The following TM9SF4 variants were observed in gnomAD, a reference collection of about 807,000 sequenced individuals.
TM9SF4 encodes transmembrane 9 superfamily member 4, also known as dinucleotide oxidase disulfide thiol exchanger 3 superfamily member 4.
TM9SF4 carries 26 observed loss-of-function variants against 90.4 expected under a neutral mutation model. That is an observed-to-expected ratio of 0.29 (90% CI 0.21 to 0.40). The LOEUF is 0.40. Among genes scored for constraint, TM9SF4 ranks in the 10% least tolerant of loss-of-function variants. TM9SF4 has a pLI of 1.00. For synonymous variants in TM9SF4, 293 were observed against 315.4 expected, an observed-to-expected ratio of 0.93 and a Z score of 0.75; for missense variants, 549 against 834.8, an observed-to-expected ratio of 0.66 and a Z score of 4.22.
chr20:32,124,118 G>A (rs750234410), intron 1 of TM9SF4, among the ~76,000 whole-genome samples: 4 of 151,950 alleles, frequency 2.6e-5, no homozygotes, highest in Non-Finnish European at 5.9e-5. Flanking sequence ...TTCTCCTGCC[G>A]AAGTGCTGGG....
chr20:32,142,438 T>C (rs373789643), intron 5 of TM9SF4, among the ~76,000 whole-genome samples: 3 of 152,220 alleles, frequency 2.0e-5, no homozygotes, highest in East Asian at 1.9e-4. Flanking sequence ...TACAAAAGTA[T>C]GTGTTTTGAG....
chr20:32,111,183 C>T (rs1046729807), intron 1 of TM9SF4, among the ~76,000 whole-genome samples: 1 of 152,190 alleles, frequency 6.6e-6, no homozygotes, highest in African/African-American at 2.4e-5. Context: ...TACCTGGTTT[C>T]TGTGGTTTCA....
At chr20:32,128,537 C>T (rs1185215569) in intron 1 of TM9SF4, among the ~76,000 whole-genome samples, 6 of 152,254 alleles carry the variant, frequency 3.9e-5, no homozygotes, top group African/African-American at 1.2e-4. Flanking sequence ...AACCATCCCC[C>T]GAATAATGTA....
intron 9 of TM9SF4, among the ~76,000 whole-genome samples, chr20:32,148,563 A>G (rs1314905963): frequency 1.3e-5 from 2 of 152,204 alleles, no homozygotes; most frequent in Non-Finnish European, 2.9e-5. Context: ...ACAAAAACAA[A>G]AAAGAACTAA....
chr20:32,132,212 C>T (rs116129942), intron 1 of TM9SF4, among the ~76,000 whole-genome samples: 2,285 of 152,032 alleles, frequency 0.015, 52 homozygotes, highest in African/African-American at 0.05. Context: ...AAGACCAGCC[C>T]GGGCAATGTG....
At chr20:32,158,909 G>A (rs1011845057) in intron 15 of TM9SF4, among the ~76,000 whole-genome samples, 3 of 152,038 alleles carry the variant, frequency 2.0e-5, no homozygotes, top group Admixed American at 2.0e-4. Context: ...TTGAACCTGG[G>A]AGGTGGAGGT....
At chr20:32,110,994 C>T (rs531936947) in intron 1 of TM9SF4, among the ~76,000 whole-genome samples, 21 of 152,344 alleles carry the variant, frequency 1.4e-4, no homozygotes, top group Admixed American at 1.2e-3. Context: ...TGACATTTGA[C>T]TTTAGCAAAG....
In TM9SF4 at chr20:32,141,634, G is replaced by C. The variant is rs757090151; in HGVS notation, c.367G>C (p.Glu123Gln). 1 of 1,614,150 alleles carries C rather than the reference G, an allele frequency of 6.2e-7. No individual in the cohort carries two copies. Among genetic ancestry groups the C allele is most frequent in the African/African-American group, 1.3e-5 (1 of 75,040 alleles). Residue 123 changes from glutamate to glutamine, a missense_variant, in exon 4 of 18, where the codon GAG becomes CAG. Around this residue, in one of 2 missense-constraint regions of TM9SF4, gnomAD observed 495 missense variants for 711.7 expected, o/e 0.70. Coordinates refer to ENST00000398022, the MANE Select transcript of TM9SF4 (RefSeq NM_014742.4). Reference sequence around the variant, plus strand: ...AGTGGAGCAGAGCCGACTCGTGGCCGAGCGGATCACAGAAGACTACTACGT... The same window carrying C: ...AGTGGAGCAGAGCCGACTCGTGGCCCAGCGGATCACAGAAGACTACTACGT... ...LTVEQSRLVA[E>Q]RITEDYYVHL...
chr20:32,120,975 C>G (rs991819928), intron 1 of TM9SF4, among the ~76,000 whole-genome samples: 1 of 152,166 alleles, frequency 6.6e-6, no homozygotes, highest in African/African-American at 2.4e-5. Context: ...CTGGGATAAA[C>G]ACCACTTGGT....
chr20:32,110,364 C>T (rs1269953511), intron 1 of TM9SF4, among the ~76,000 whole-genome samples: 1 of 152,092 alleles, frequency 6.6e-6, no homozygotes, highest in Non-Finnish European at 1.5e-5. Flanking sequence ...CCCTTCCTGT[C>T]TTCTCTCAGT....
intron 3 of TM9SF4, among the ~76,000 whole-genome samples, chr20:32,140,598 G>T (rs570265693): frequency 6.6e-6 from 1 of 152,300 alleles, no homozygotes; most frequent in Admixed American, 6.5e-5. Context: ...TACTTTATTG[G>T]ATTGACTTCC....
Position 32,149,754 on chromosome 20 carries a change from C to A in TM9SF4, c.1075C>A (p.Leu359Ile). The change falls in exon 10 of 18, where the codon CTC becomes ATC. Residue 359 changes from leucine to isoleucine, a missense_variant. Transcript: ENST00000398022. ...AGGCATTCAGCTGTTCTGTATGATCCTCATCGTCATCTGTGAGTGTGCCCA... is the reference window on the plus strand; with the variant it reads ...AGGCATTCAGCTGTTCTGTATGATCATCATCGTCATCTGTGAGTGTGCCCA... ...GSGIQLFCMI[L>I]IVIFVAMLGM... is the part of the protein sequence containing the mutation. The A allele has an allele frequency of 6.2e-7, 1 of 1,614,176 alleles. No homozygotes were observed. Among genetic ancestry groups the A allele is most frequent in the Non-Finnish European group, 8.5e-7 (1 of 1,180,004 alleles).
chr20:32,153,414 T>C (rs2046871356), intron 12 of TM9SF4, among the ~76,000 whole-genome samples: 1 of 152,190 alleles, frequency 6.6e-6, no homozygotes, highest in South Asian at 2.1e-4. Context: ...ACCTGGATGC[T>C]CAGGCTGCCA....
Position 32,157,944 on chromosome 20 carries a change from C to T in TM9SF4, c.1480C>T (p.Arg494Trp), listed in dbSNP as rs758369345. 7 of 1,613,968 alleles carry T rather than the reference C, an allele frequency of 4.3e-6. No individual in the cohort carries two copies. Among genetic ancestry groups the T allele is most frequent in the African/African-American group, 1.3e-5 (1 of 74,902 alleles). Residue 494 changes from arginine to tryptophan, a missense_variant, in exon 14 of 18, where the codon CGG (arginine) becomes TGG (tryptophan). Arg to Trp is a moderately radical substitution (Grantham distance 101). Coordinates refer to ENST00000398022, the MANE Select transcript of TM9SF4 (RefSeq NM_014742.4). ...GATTCCCCGGCAGATCCCCGAGCAG[C>T]GGTGGTACATGAACCGATTTGTGGG... ...NQIPRQIPEQ[R>W]WYMNRFVGIL...
intron 17 of TM9SF4, among the ~76,000 whole-genome samples, chr20:32,162,006 A>G (rs969804274): frequency 1.3e-5 from 2 of 152,230 alleles, no homozygotes; most frequent in Non-Finnish European, 2.9e-5. Context: ...GGCAACTCAC[A>G]GAGCTCATTG....
At chr20:32,121,957 G>C (rs920191673) in intron 1 of TM9SF4, among the ~76,000 whole-genome samples, 2 of 146,550 alleles carry the variant, frequency 1.4e-5, no homozygotes, top group African/African-American at 5.0e-5. Context: ...CCTCCCGGAC[G>C]GGGCGGCTGG....
intron 10 of TM9SF4, 44 bp downstream of exon 10, chr20:32,149,810 C>T (rs1258998258): frequency 1.9e-6 from 3 of 1,607,272 alleles, no homozygotes; most frequent in East Asian, 2.2e-5. Flanking sequence ...ATGGCTTCCT[C>T]TTCCAGGTGC....
intron 17 of TM9SF4, among the ~76,000 whole-genome samples, chr20:32,163,526 TG>T (rs1305082671): frequency 3.3e-5 from 5 of 151,186 alleles, no homozygotes; most frequent in African/African-American, 1.2e-4. Flanking sequence ...TCTGCTCGGG[TG>T]ACATGCCCAG....
chr20:32,139,149 G>T (rs1313554011), intron 3 of TM9SF4, among the ~76,000 whole-genome samples: 1 of 152,172 alleles, frequency 6.6e-6, no homozygotes, highest in Admixed American at 6.5e-5. Flanking sequence ...TGCCAGGGCC[G>T]CTACTTTGCA....
Sources: gnomAD v4.1 joint callset for allele counts (sites outside exome capture counted in the v4.1 genomes callset) on GRCh38, gnomAD v4.1.1 for gene constraint, gnomAD v4.1.1 regional missense constraint, MANE v1.5 for transcripts, NCBI Gene and HGNC (gene_info 2026-07-23, HGNC 2026-07-21) for gene names.